TCAIM: variants seen among roughly 807,000 people sequenced by gnomAD.
TCAIM encodes the protein T-cell activation inhibitor, mitochondrial.
A neutral mutation model predicts 58.6 loss-of-function variants in TCAIM; 36 were observed. The observed-to-expected ratio is 0.61, with a 90% CI of 0.47 to 0.81. TCAIM has a LOEUF of 0.81. Ranked by LOEUF, TCAIM falls within the 30% of genes least tolerant of loss-of-function variation. The pLI, the probability that TCAIM is intolerant of heterozygous loss-of-function variation, is 0.00. For synonymous variants in TCAIM, 172 were observed against 193.6 expected, an observed-to-expected ratio of 0.89 and a Z score of 0.93; for missense variants, 466 against 579.6, an observed-to-expected ratio of 0.80 and a Z score of 2.01.
intron 9 of TCAIM, 70 bp from the exon 10 acceptor site, chr3:44,401,133 T>C: frequency 1.3e-6 from 2 of 1,559,314 alleles, no homozygotes; most frequent in Non-Finnish European, 1.7e-6. Context: ...TGAAGACTAA[T>C]AAAATATTTT....
chr3:44,394,856 T>TGCACTCC (rs918774960), intron 6 of TCAIM, among the ~76,000 whole-genome samples: 1 of 118,382 alleles, frequency 8.4e-6, no homozygotes, highest in African/African-American at 3.3e-5. Context: ...ATCACGCCAC[T>TGCACTCC]GCACTCCGGC....
At chr3:44,350,310 C>T (rs764161446) in intron 1 of TCAIM, among the ~76,000 whole-genome samples, 3 of 152,118 alleles carry the variant, frequency 2.0e-5, no homozygotes, top group Non-Finnish European at 4.4e-5. Flanking sequence ...GCAAGAACCA[C>T]TCATTTTCAC....
At chr3:44,392,265 G>A (rs897056192) in intron 5 of TCAIM, among the ~76,000 whole-genome samples, 2 of 152,186 alleles carry the variant, frequency 1.3e-5, no homozygotes, top group Non-Finnish European at 2.9e-5. Flanking sequence ...AGGTTTGATT[G>A]AAAACTCAGT....
chr3:44,401,824 G>A (rs941061897), intron 10 of TCAIM, among the ~76,000 whole-genome samples: 9 of 151,514 alleles, frequency 5.9e-5, no homozygotes, highest in African/African-American at 2.2e-4. Flanking sequence ...TGTGAGGTCA[G>A]GAGTTTGAGA....
At chr3:44,366,625 TA>T (rs1304592569) in intron 4 of TCAIM, among the ~76,000 whole-genome samples, 10 of 83,822 alleles carry the variant, frequency 1.2e-4, no homozygotes, top group African/African-American at 3.5e-4. Context: ...CACGCCCGGC[TA>T]ATTTTTTTTT....
intron 3 of TCAIM, 102 bp downstream of exon 3, chr3:44,357,978 G>T: frequency 7.0e-7 from 1 of 1,438,114 alleles, no homozygotes. Context: ...TTATTCTGTT[G>T]TGGTGATATA....
intron 5 of TCAIM, among the ~76,000 whole-genome samples, chr3:44,373,753 A>T (rs1701520446): frequency 6.6e-6 from 1 of 152,170 alleles, no homozygotes; most frequent in African/African-American, 2.4e-5. Context: ...AAATTAGGAA[A>T]TGCTGTTCCG....
At chr3:44,398,913 A>T (rs544318573) in intron 8 of TCAIM, among the ~76,000 whole-genome samples, 1 of 152,354 alleles carries the variant, frequency 6.6e-6, no homozygotes, top group African/African-American at 2.4e-5. Flanking sequence ...TGAAAAAGTC[A>T]GTCTCAAAAG....
chr3:44,364,976 G>A (rs1290675384), intron 4 of TCAIM, among the ~76,000 whole-genome samples: 2 of 152,032 alleles, frequency 1.3e-5, no homozygotes, highest in Admixed American at 1.3e-4. Flanking sequence ...GTATCCTGAG[G>A]AACCAGTAAA....
At chr3:44,380,913 A>G (rs1575264706) in intron 5 of TCAIM, among the ~76,000 whole-genome samples, 1 of 152,192 alleles carries the variant, frequency 6.6e-6, no homozygotes, top group Non-Finnish European at 1.5e-5. Flanking sequence ...TAAAATGGAC[A>G]TATTTCTAGA....
chr3:44,405,509 C>T (rs548993571), intron 10 of TCAIM, among the ~76,000 whole-genome samples: 1 of 151,846 alleles, frequency 6.6e-6, no homozygotes, highest in Non-Finnish European at 1.5e-5. Context: ...CTCGTCTCTA[C>T]AAAAAATTTA....
chr3:44,375,373 A>T (rs114387482), intron 5 of TCAIM, among the ~76,000 whole-genome samples: 462 of 152,262 alleles, frequency 3.0e-3, no homozygotes, highest in African/African-American at 0.01. Context: ...TCATGGTAGA[A>T]GGGAAAGAAG....
At chr3:44,380,373 A>G (rs1266673345) in intron 5 of TCAIM, among the ~76,000 whole-genome samples, 2 of 152,160 alleles carry the variant, frequency 1.3e-5, no homozygotes, top group South Asian at 2.1e-4. Context: ...ACATTACTGA[A>G]TGTACCCTGA....
At chr3:44,402,951 T>C (rs1273893690) in intron 10 of TCAIM, among the ~76,000 whole-genome samples, 2 of 152,122 alleles carry the variant, frequency 1.3e-5, no homozygotes, top group Admixed American at 1.3e-4. Flanking sequence ...CACAAAGTAC[T>C]CATTTAAAAA....
chr3:44,397,669 G>A (rs1162488047), intron 8 of TCAIM, among the ~76,000 whole-genome samples: 1 of 152,086 alleles, frequency 6.6e-6, no homozygotes, highest in East Asian at 1.9e-4. Flanking sequence ...TGGATCATAT[G>A]GTAGAGCATT....
At chr3:44,395,306 A>G (rs1192070950) in intron 6 of TCAIM, among the ~76,000 whole-genome samples, 1 of 152,190 alleles carries the variant, frequency 6.6e-6, no homozygotes, top group Non-Finnish European at 1.5e-5. Flanking sequence ...CAGAAATGAC[A>G]TTCATCAGAA....
chr3:44,351,925 T>C (rs1184379526), intron 1 of TCAIM, among the ~76,000 whole-genome samples: 1 of 151,998 alleles, frequency 6.6e-6, no homozygotes, highest in Middle Eastern at 3.2e-3. Flanking sequence ...AAAAAGATAA[T>C]TCCTGATTTT....
intron 8 of TCAIM, 24 bp downstream of exon 8, chr3:44,396,858 A>C: frequency 6.2e-7 from 1 of 1,601,914 alleles, no homozygotes. Context: ...TTAAAATTAA[A>C]AACTCCTTGT....
intron 5 of TCAIM, among the ~76,000 whole-genome samples, chr3:44,379,645 C>T (rs1271293967): frequency 5.9e-5 from 9 of 152,108 alleles, no homozygotes; most frequent in African/African-American, 2.2e-4. Flanking sequence ...TACCACATGT[C>T]CTCACTTATA....
Sources: allele counts gnomAD v4.1 joint callset (sites outside exome capture counted in the v4.1 genomes callset), GRCh38; gene constraint gnomAD v4.1.1; transcripts MANE v1.5; gene names NCBI Gene and HGNC (gene_info 2026-07-23, HGNC 2026-07-21).